The following KALRN variants were observed in gnomAD, a reference collection of about 807,000 sequenced individuals.
The protein encoded by KALRN is kalirin RhoGEF kinase.
KALRN carries 70 observed loss-of-function variants against 353.7 expected under a neutral mutation model. The ratio of observed to expected loss-of-function variants is 0.20; its 90% CI spans 0.16 to 0.24. The LOEUF is 0.24. KALRN is among the 10% of genes least tolerant of loss of function. The pLI, the probability that KALRN is intolerant of heterozygous loss-of-function variation, is 1.00. For missense variants in KALRN, 2,791 were observed against 3,756.7 expected (o/e 0.74, Z 6.72); for synonymous variants, 1,391 against 1,434.8 (o/e 0.97, Z 0.69).
chr3:124,347,948 G>C (rs551046497), intron 10 of KALRN, among the ~76,000 whole-genome samples: 1 of 152,310 alleles, frequency 6.6e-6, no homozygotes, highest in African/African-American at 2.4e-5. Context: ...GACAGGCCCT[G>C]ACCATTTGTC....
At chr3:124,238,617 C>T (rs1441397883) in intron 3 of KALRN, among the ~76,000 whole-genome samples, 3 of 152,232 alleles carry the variant, frequency 2.0e-5, no homozygotes, top group Non-Finnish European at 4.4e-5. Context: ...TAAGTGCTCT[C>T]TTCTCAGACT....
chr3:124,462,768 T>C (rs558488511), intron 25 of KALRN, 135 bp downstream of exon 25: 2 of 593,414 alleles, frequency 3.4e-6, no homozygotes, highest in South Asian at 2.1e-5. Context: ...GTCAGACTTC[T>C]TTTTTACTCA....
intron 1 of KALRN, among the ~76,000 whole-genome samples, chr3:124,129,119 T>C (rs1472768327): frequency 6.6e-6 from 1 of 152,118 alleles, no homozygotes; most frequent in Admixed American, 6.5e-5. Flanking sequence ...CTAAGAAAAT[T>C]CCTAAAAGTC....
intron 34 of KALRN, among the ~76,000 whole-genome samples, chr3:124,618,366 C>T (rs1474285438): frequency 2.0e-5 from 3 of 151,852 alleles, no homozygotes; most frequent in Admixed American, 6.6e-5. Context: ...CCGCCCACCT[C>T]GGCCTCTCAA....
At chr3:124,646,221 C>T (rs751339964) in intron 37 of KALRN, among the ~76,000 whole-genome samples, 1 of 151,990 alleles carries the variant, frequency 6.6e-6, no homozygotes, top group Non-Finnish European at 1.5e-5. Context: ...TCTTGGAGTC[C>T]TCCTGTACAC....
chr3:124,424,199 GC>G (rs940524019), intron 15 of KALRN, among the ~76,000 whole-genome samples: 1 of 152,108 alleles, frequency 6.6e-6, no homozygotes, highest in African/African-American at 2.4e-5. Context: ...TCCTGTGGTT[GC>G]CCCTTTCTGC....
rs73195601 is a variant in KALRN at position 124,713,470 on chromosome 3, C to T, written c.8276+335C>T. On this transcript the variant is annotated intron_variant, in intron 58 of 59. Coordinates refer to ENST00000682506, the MANE Select transcript of KALRN (RefSeq NM_001388419.1). ...GGGCAGGAGTTTGGGAAGAGCTTGT[C>T]GACAGTAGGCTGATTGACAGGGTGG... 5.5e-3 allele frequency among the ~76,000 whole-genome samples: 832 copies of T among 152,144 alleles called. 4 individuals carry two copies. The highest frequency in any genetic ancestry group is 9.6e-3 in the Non-Finnish European group (655 of 67,992).
chr3:124,660,068 A>G (rs2084635564), intron 43 of KALRN, among the ~76,000 whole-genome samples: 1 of 151,946 alleles, frequency 6.6e-6, no homozygotes, highest in Non-Finnish European at 1.5e-5. Flanking sequence ...AGTAGCTAGG[A>G]CAACAGATGC....
chr3:124,063,241 G>T (rs1163495666), intron 1 of KALRN, among the ~76,000 whole-genome samples: 1 of 152,222 alleles, frequency 6.6e-6, no homozygotes, highest in African/African-American at 2.4e-5. Context: ...TGGAATGAGG[G>T]TTCAGCGTCT....
intron 1 of KALRN, among the ~76,000 whole-genome samples, chr3:124,180,263 TC>T (rs1316229906): frequency 1.3e-5 from 2 of 152,324 alleles, no homozygotes; most frequent in East Asian, 3.9e-4. Context: ...TTTCTAGTGC[TC>T]CTGAGCAGTT....
intron 36 of KALRN, among the ~76,000 whole-genome samples, chr3:124,634,732 C>T (rs1443255430): frequency 6.6e-6 from 1 of 152,064 alleles, no homozygotes; most frequent in Non-Finnish European, 1.5e-5. Flanking sequence ...GTTGCTGATT[C>T]TCTTAGACTC....
chr3:124,316,343 C>T (rs569496129), intron 6 of KALRN, among the ~76,000 whole-genome samples: 1 of 124,008 alleles, frequency 8.1e-6, no homozygotes, highest in South Asian at 3.3e-4. Flanking sequence ...AGGTGAGGTC[C>T]GTTACATCTT....
At chr3:124,317,101 A>T (rs2078884605) in intron 6 of KALRN, among the ~76,000 whole-genome samples, 1 of 152,164 alleles carries the variant, frequency 6.6e-6, no homozygotes, top group Admixed American at 6.5e-5. Context: ...ATCCAAGAGC[A>T]CGTCAAGGGC....
intron 5 of KALRN, among the ~76,000 whole-genome samples, chr3:124,282,379 C>CTTTTTTTTTT (rs34148546): frequency 7.4e-6 from 1 of 134,792 alleles, no homozygotes; most frequent in Non-Finnish European, 1.6e-5. Flanking sequence ...CTACATTTTT[C>CTTTTTTTTTT]TTTTTTTTTT....
At chr3:124,430,511 T>A (rs2093222851) in intron 15 of KALRN, 145 bp from the exon 16 acceptor site, 1 of 947,792 alleles carries the variant, frequency 1.1e-6, no homozygotes, top group Non-Finnish European at 1.6e-6. Flanking sequence ...GATGACCATT[T>A]TGATTATGGT....
chr3:124,245,666 T>A (rs376614922), intron 3 of KALRN, among the ~76,000 whole-genome samples: 1 of 85,222 alleles, frequency 1.2e-5, no homozygotes, highest in Non-Finnish European at 3.7e-5. Flanking sequence ...TTCTGTTTTT[T>A]TTTGTCATTG....
chr3:124,183,078 G>C (rs918408547), intron 1 of KALRN, among the ~76,000 whole-genome samples: 10 of 152,132 alleles, frequency 6.6e-5, no homozygotes, highest in African/African-American at 1.9e-4. Context: ...CTTTCAAGAG[G>C]TGATTAAGTT....
intron 21 of KALRN, among the ~76,000 whole-genome samples, chr3:124,450,147 A>AT (rs2058640980): frequency 6.6e-6 from 1 of 152,120 alleles, no homozygotes; most frequent in South Asian, 2.1e-4. Flanking sequence ...TAGGTATACC[A>AT]TTTTGTACTC....
At chr3:124,158,450 G>A (rs540160700) in intron 1 of KALRN, among the ~76,000 whole-genome samples, 1 of 152,336 alleles carries the variant, frequency 6.6e-6, no homozygotes, top group African/African-American at 2.4e-5. Flanking sequence ...GTAGAAGCCG[G>A]ATCTGAGCTG....
Sources: allele counts gnomAD v4.1 joint callset (sites outside exome capture counted in the v4.1 genomes callset), GRCh38; gene constraint gnomAD v4.1.1; transcripts MANE v1.5; gene names NCBI Gene and HGNC (gene_info 2026-07-23, HGNC 2026-07-21).